Variants in STARD13 observed in about 807,000 individuals in gnomAD.
STARD13 encodes StAR related lipid transfer domain containing 13.
In STARD13, 62 loss-of-function variants were observed where a neutral mutation model predicts 106.4. The ratio of observed to expected loss-of-function variants is 0.58; its 90% confidence interval spans 0.48 to 0.72. STARD13 has a LOEUF of 0.72. Ranked by LOEUF, STARD13 falls within the 30% of genes least tolerant of loss-of-function variation. STARD13 has a pLI of 0.00. For missense variants in STARD13, 1,387 were observed against 1,424.0 expected (o/e 0.97, Z 0.42); for synonymous variants, 565 against 553.0 (o/e 1.02, Z -0.31).
chr13:33,226,106 C>G (rs145763025), intron 1 of STARD13, among the ~76,000 whole-genome samples: 3 of 152,220 alleles, frequency 2.0e-5, no homozygotes, highest in Admixed American at 2.0e-4. Flanking sequence ...ATAGAGCCCT[C>G]ACCAGAACCC....
chr13:33,519,160 G>A, the STARD13 span, among the ~76,000 whole-genome samples: 1 of 151,956 alleles, frequency 6.6e-6, no homozygotes, highest in Non-Finnish European at 1.5e-5. Context: ...TCTCAGGTGG[G>A]TTTAGGCAGA....
At chr13:33,665,839 T>C in the STARD13 span, among the ~76,000 whole-genome samples, 19,949 of 152,110 alleles carry the variant, frequency 0.13, 3,815 homozygotes, top group African/African-American at 0.42. Flanking sequence ...GACTCTCTCC[T>C]GGGGTCTCCT....
chr13:33,616,058 C>T, the STARD13 span, among the ~76,000 whole-genome samples: 5 of 151,252 alleles, frequency 3.3e-5, no homozygotes, highest in African/African-American at 1.2e-4. Context: ...GTCGAGGAAG[C>T]CAGGCAAAGC....
chr13:33,643,353 G>A, the STARD13 span, among the ~76,000 whole-genome samples: 3 of 152,340 alleles, frequency 2.0e-5, no homozygotes, highest in East Asian at 5.8e-4. Flanking sequence ...GCCTTCAAAA[G>A]GAATGGCCTT....
intron 4 of STARD13, chr13:33,138,773 G>A (rs1879414189): frequency 9.0e-6 from 4 of 445,164 alleles, no homozygotes; most frequent in African/African-American, 6.1e-5. Context: ...TTCCAGTGAG[G>A]CGTGCAGCTA....
At chr13:33,482,282 CT>C in the STARD13 span, among the ~76,000 whole-genome samples, 263 of 152,232 alleles carry the variant, frequency 1.7e-3, no homozygotes, top group Non-Finnish European at 2.6e-3. Flanking sequence ...CATGGCTACT[CT>C]TCTATCTAGT....
At chr13:33,607,987 G>A in the STARD13 span, among the ~76,000 whole-genome samples, 1 of 152,134 alleles carries the variant, frequency 6.6e-6, no homozygotes, top group Non-Finnish European at 1.5e-5. Context: ...CTAGCCTTTG[G>A]CAGCCTCAAA....
At chr13:33,293,631 G>A (rs1892374967) in intron 1 of STARD13, among the ~76,000 whole-genome samples, 1 of 152,168 alleles carries the variant, frequency 6.6e-6, no homozygotes, top group Admixed American at 6.5e-5. Flanking sequence ...GTTGCCAAAG[G>A]AGATTAACGT....
At chr13:33,596,458 C>T in the STARD13 span, among the ~76,000 whole-genome samples, 7 of 152,124 alleles carry the variant, frequency 4.6e-5, no homozygotes, top group South Asian at 1.0e-3. Context: ...TTATGGGGTA[C>T]GTGTGATGTT....
intron 1 of STARD13, among the ~76,000 whole-genome samples, chr13:33,250,624 A>C (rs1594166181): frequency 6.6e-6 from 1 of 152,338 alleles, no homozygotes; most frequent in East Asian, 1.9e-4. Context: ...ATGTGGTCCC[A>C]GTTCTGTATT....
chr13:33,558,354 A>C, the STARD13 span, among the ~76,000 whole-genome samples: 1 of 152,200 alleles, frequency 6.6e-6, no homozygotes, highest in African/African-American at 2.4e-5. Flanking sequence ...ACAAAAAAGT[A>C]CCTGGAAAGT....
chr13:33,143,017 CCT>C (rs376582421), intron 3 of STARD13, among the ~76,000 whole-genome samples: 1 of 151,620 alleles, frequency 6.6e-6, no homozygotes, highest in Non-Finnish European at 1.5e-5. Flanking sequence ...CAGAGAGCTC[CCT>C]CTCTCTCTCT....
At chr13:33,622,389 A>G in the STARD13 span, among the ~76,000 whole-genome samples, 1 of 152,036 alleles carries the variant, frequency 6.6e-6, no homozygotes, top group Non-Finnish European at 1.5e-5. Flanking sequence ...TGTAATCCCA[A>G]CACTTTGGGA....
intron 1 of STARD13, among the ~76,000 whole-genome samples, chr13:33,189,407 C>A (rs1886044644): frequency 1.2e-5 from 1 of 82,830 alleles, no homozygotes. Flanking sequence ...CCTTCCCTTT[C>A]CTCCTGCTTT....
chr13:33,320,056 G>A (rs1029117763), intron 1 of STARD13, among the ~76,000 whole-genome samples: 3 of 152,182 alleles, frequency 2.0e-5, no homozygotes, highest in African/African-American at 7.2e-5. Flanking sequence ...GTGAGTTTGT[G>A]TATTGAAAGC....
Position 33,138,429 on chromosome 13 carries a change from T to C in STARD13, c.387+3881A>G, listed in dbSNP as rs1386222823. ...GTTTGGCTTTTTTTTTTTTTTTTTT[T>C]CTAAAAATGAGAACATTCTTCACTG... On this transcript the variant is annotated intron_variant, in intron 4 of 13. Transcript: ENST00000336934. 11 of 134,502 alleles carry C rather than the reference T, an allele frequency of 8.2e-5. No individual in the cohort carries two copies. In the South Asian group the frequency reaches 1.6e-3, roughly 20 times the overall value. The allele number at this position is 134,502 out of a possible 1,614,324, so 8.3% of individuals were successfully genotyped here. A position where few individuals can be genotyped will look rare whatever the true frequency, so the allele number is the denominator to read the frequency against.
chr13:33,195,951 G>T (rs763455878), intron 1 of STARD13, among the ~76,000 whole-genome samples: 1 of 152,136 alleles, frequency 6.6e-6, no homozygotes, highest in Non-Finnish European at 1.5e-5. Flanking sequence ...ACAACTAAAA[G>T]CTTTCTCCAT....
intron 1 of STARD13, among the ~76,000 whole-genome samples, chr13:33,211,904 A>T (rs1189429404): frequency 6.6e-5 from 10 of 152,174 alleles, no homozygotes; most frequent in Non-Finnish European, 7.3e-5. Flanking sequence ...ATATGTCTAT[A>T]CATACTTGTA....
chr13:33,491,240 G>A, the STARD13 span, among the ~76,000 whole-genome samples: 2 of 152,180 alleles, frequency 1.3e-5, no homozygotes, highest in Admixed American at 1.3e-4. Context: ...CTGGTACGTG[G>A]CACCACAGTA....
Sources: gnomAD v4.1 joint callset for allele counts (sites outside exome capture counted in the v4.1 genomes callset) on GRCh38, gnomAD v4.1.1 for gene constraint, MANE v1.5 for transcripts, NCBI Gene and HGNC (gene_info 2026-07-23, HGNC 2026-07-21) for gene names.